The following PROSER1 variants were observed in gnomAD, a reference collection of about 807,000 sequenced individuals.
The protein encoded by PROSER1 is proline and serine-rich protein 1.
PROSER1 carries 36 observed loss-of-function variants against 71.8 expected under a neutral mutation model. That is an observed-to-expected ratio of 0.50 (90% CI 0.38 to 0.66). The LOEUF (loss-of-function observed/expected upper bound fraction) is 0.66. Ranked by LOEUF, PROSER1 falls within the 30% of genes least tolerant of loss-of-function variation. The probability of loss-of-function intolerance (pLI) is 0.00; values close to 1 mark genes in which losing one functional copy is unlikely to be tolerated. For missense variants in PROSER1, 1,107 were observed against 1,135.0 expected (o/e 0.98, Z 0.35); for synonymous variants, 490 against 452.4 (o/e 1.08, Z -1.06).
At position 39,012,130 on chromosome 13, in the gene PROSER1, G is replaced by A; in HGVS notation, c.2665C>T (p.Gln889Ter). 1 of 1,614,200 alleles carries A rather than the reference G, an allele frequency of 6.2e-7. No individual in the cohort carries two copies. The highest frequency in any genetic ancestry group is 8.5e-7 in the Non-Finnish European group (1 of 1,180,020). Residue 889 changes from glutamine to a stop codon, truncating the protein, a stop_gained, in exon 12 of 13, where the codon CAA becomes TAA. Transcript: ENST00000352251. LOFTEE classifies it high-confidence loss of function. ...FPQNPSQSSL[Q>*]ELQHNAAAQS... Reference sequence around the variant, plus strand: ...GCAGCCGCATTATGCTGTAATTCTTGCAAGGATGATTGTGAAGGATTCTGA... The same window carrying A: ...GCAGCCGCATTATGCTGTAATTCTTACAAGGATGATTGTGAAGGATTCTGA...
intron 1 of PROSER1, among the ~76,000 whole-genome samples, chr13:39,036,878 T>A (rs1304155248): frequency 6.6e-6 from 1 of 152,146 alleles, no homozygotes; most frequent in Non-Finnish European, 1.5e-5. Context: ...GATGAGGCAA[T>A]AAACTCAAAA....
At chr13:39,031,707 A>G (rs1870853484) in intron 2 of PROSER1, 76 bp from the exon 3 acceptor site, 5 of 1,331,676 alleles carry the variant, frequency 3.8e-6, no homozygotes, top group East Asian at 2.3e-5. Flanking sequence ...ACTTGAAATT[A>G]TAATTCGACA....
chr13:39,014,433 A>G lies in PROSER1; in HGVS notation c.819T>C (p.Ser273=). ...PASQLFSPHG[S]NPSTPAATPV... ...GAGTTGCAGCAGGTGTTGAAGGATT[A>G]GAACCATGAGGAGAAAAGAGTTGAC... The change falls in exon 11 of 13, where the codon TCT becomes TCC. Residue 273 remains serine, a synonymous_variant. Coordinates refer to ENST00000352251, the MANE Select transcript of PROSER1 (RefSeq NM_025138.5). 2.5e-6 allele frequency: 4 copies of G among 1,613,966 alleles called. No individual in the cohort carries two copies. The highest frequency in any genetic ancestry group is 1.3e-5 in the African/African-American group (1 of 75,034).
In PROSER1 at chr13:39,011,194, G is replaced by A; in HGVS notation, c.*171C>T. 3.0e-6 allele frequency: 2 copies of A among 661,352 alleles called. No homozygotes were observed. The highest frequency in any genetic ancestry group is 5.3e-6 in the Non-Finnish European group (2 of 376,362). The allele number at this position is 661,352 out of a possible 1,614,324, so 41.0% of individuals were successfully genotyped here. A position where few individuals can be genotyped will look rare whatever the true frequency, so the allele number is the denominator to read the frequency against. ...TGTCAGCATATTTACATAGGGGAGT[G>A]TTCACACTTTAAAATGCAACCACAA... On this transcript the variant is annotated 3_prime_UTR_variant, in exon 13 of 13. Transcript: ENST00000352251.
intron 11 of PROSER1, 69 bp from the exon 12 acceptor site, chr13:39,012,302 C>G: frequency 6.9e-7 from 1 of 1,459,748 alleles, no homozygotes; most frequent in East Asian, 2.3e-5. Context: ...CCATATTTGT[C>G]AAATACAATC....
intron 2 of PROSER1, 53 bp from the exon 3 acceptor site, chr13:39,031,684 A>G (rs747922303): frequency 8.7e-6 from 13 of 1,486,998 alleles, no homozygotes; most frequent in East Asian, 2.3e-5. Flanking sequence ...AAACATTTCT[A>G]TAAGATTTCA....
intron 9 of PROSER1, among the ~76,000 whole-genome samples, chr13:39,020,367 T>TACACAC (rs147228249): frequency 6.6e-6 from 1 of 150,554 alleles, no homozygotes; most frequent in East Asian, 1.9e-4. Context: ...TCTCTCTCTG[T>TACACAC]ACACACACAC....
intron 2 of PROSER1, among the ~76,000 whole-genome samples, chr13:39,032,695 A>G (rs1379438626): frequency 6.6e-6 from 1 of 152,120 alleles, no homozygotes; most frequent in Non-Finnish European, 1.5e-5. Flanking sequence ...AATGTTCTTA[A>G]TATCTAATAA....
intron 2 of PROSER1, 32 bp from the exon 3 acceptor site, chr13:39,031,663 A>G (rs1870850377): frequency 6.4e-7 from 1 of 1,572,404 alleles, no homozygotes; most frequent in African/African-American, 1.4e-5. Context: ...CTCTAATGAC[A>G]GCATGTTTGC....
rs2138116402 is a variant in PROSER1, at chr13:39,022,602, A to C, written c.644-190T>G. On this transcript the variant is annotated intron_variant, in intron 8 of 12. Coordinates refer to ENST00000352251, the MANE Select transcript of PROSER1 (RefSeq NM_025138.5). The stretch of plus-strand genomic sequence containing the variant: ...AGTGAAAACTGACACCAAATGAAAC[A>C]ACCAGAGATTCCTATTTCCCACTGC... 5.7e-6 allele frequency: 3 copies of C among 522,228 alleles called. No homozygotes were observed. In the East Asian group the frequency reaches 9.2e-5, roughly 16 times the overall value. 32.3% of individuals were successfully genotyped at this position (522,228 alleles called of 1,614,324 possible).
Position 39,017,511 on chromosome 13 carries a change from A to G in PROSER1, c.764T>C (p.Ile255Thr). The G allele has an allele frequency of 4.5e-6, 7 of 1,545,874 alleles. No individual in the cohort carries two copies. The highest frequency in any genetic ancestry group is 6.2e-6 in the Non-Finnish European group (7 of 1,126,432). ...AATTTGCTACTTACTTTGATTCTGT[A>G]TAGGTTTTGACGGATTCGAAAGGTC... ...NEDLSNPSKPIQNQTFSTPAS... is the reference protein window; with the variant it reads ...NEDLSNPSKPTQNQTFSTPAS... Residue 255 changes from isoleucine (I) to threonine (T), a missense_variant, in exon 10 of 13, where the codon ATA becomes ACA. By Grantham distance (89) the Ile-to-Thr change is moderately conservative (BLOSUM62 -1). Transcript: ENST00000352251.
intron 9 of PROSER1, among the ~76,000 whole-genome samples, chr13:39,019,023 T>C (rs1593531051): frequency 2.0e-5 from 3 of 152,162 alleles, no homozygotes; most frequent in Admixed American, 6.5e-5. Context: ...TCTATACATG[T>C]GTCCTTTCTG....
Position 39,014,524 on chromosome 13 carries a change from C to T in PROSER1, c.776-48G>A, listed in dbSNP as rs1291602979. 4 of 1,373,732 alleles carry T rather than the reference C, an allele frequency of 2.9e-6. No homozygotes were observed. The African/African-American group carries it at 4.4e-5, about 15-fold the overall frequency. 85.1% of individuals were successfully genotyped at this position (1,373,732 alleles called of 1,614,324 possible). ...GCAAGAATGTATCATCATGCTGAAA[C>T]GTCAAATTTTGAATTAAAAAGCATA... On this transcript the variant is annotated intron_variant, in intron 10 of 12. Transcript: ENST00000352251.
intron 8 of PROSER1, 195 bp from the exon 9 acceptor site, chr13:39,022,607 G>C (rs1870348072): frequency 1.9e-6 from 1 of 518,502 alleles, no homozygotes; most frequent in Non-Finnish European, 3.4e-6. Flanking sequence ...GAAACAACCA[G>C]AGATTCCTAT....
chr13:39,015,511 G>A lies in PROSER1; in HGVS notation c.776-1035C>T, dbSNP rs141528355. On this transcript the variant is annotated intron_variant, in intron 10 of 12. Transcript: ENST00000352251. ...TGGACTAACACATTTTACAATTTATGTATAATTAAGATTCTTTTGACATAA... is the reference window on the plus strand; with the variant it reads ...TGGACTAACACATTTTACAATTTATATATAATTAAGATTCTTTTGACATAA... 2.0e-3 allele frequency among the ~76,000 whole-genome samples: 304 copies of A among 152,268 alleles called. 3 individuals are homozygous for A. Among genetic ancestry groups the A allele is most frequent in the African/African-American group, 6.8e-3 (283 of 41,552 alleles).
rs537185401 is a variant in PROSER1 at position 39,012,096 on chromosome 13, G to A, written c.2699C>T (p.Ala900Val). ...ELQHNAAAQS[A>V]LLQQVHSASA... ...ATTGCTGCTTACCTGCTGTAACAAT[G>A]CTGACTGCGCAGCCGCATTATGCTG... The change falls in exon 12 of 13, where the codon GCA becomes GTA. Residue 900 changes from alanine to valine, a missense_variant. Coordinates refer to ENST00000352251, the MANE Select transcript of PROSER1 (RefSeq NM_025138.5). 2 of 1,613,598 alleles carry A rather than the reference G, an allele frequency of 1.2e-6. No homozygotes were observed. The highest frequency in any genetic ancestry group is 2.2e-5 in the East Asian group (1 of 44,886).
rs1195399274 is a variant in PROSER1 at position 39,010,747 on chromosome 13, A to C, written c.*618T>G. On this transcript the variant is annotated 3_prime_UTR_variant, in exon 13 of 13. Coordinates refer to ENST00000352251, the MANE Select transcript of PROSER1 (RefSeq NM_025138.5). ...TGGATATATACTTTCAGTTGAAAACACCTGAAAGTCATTCTATAGTCTACA... is the reference window on the plus strand; with the variant it reads ...TGGATATATACTTTCAGTTGAAAACCCCTGAAAGTCATTCTATAGTCTACA... The C allele has an allele frequency of 6.6e-6, 1 of 152,650 alleles. No homozygotes were observed. Among genetic ancestry groups the C allele is most frequent in the Non-Finnish European group, 1.5e-5 (1 of 68,052 alleles). The allele number at this position is 152,650 out of a possible 1,614,324, so 9.5% of individuals were successfully genotyped here.
chr13:39,029,269 A>AAT lies in PROSER1; in HGVS notation c.275+11_275+12insAT. 1 of 1,300,324 alleles carries AAT rather than the reference A, an allele frequency of 7.7e-7. No homozygotes were observed. The highest frequency in any genetic ancestry group is 1.6e-5 in the African/African-American group (1 of 63,916). 80.5% of individuals were successfully genotyped at this position (1,300,324 alleles called of 1,614,324 possible). On this transcript the variant is annotated intron_variant, in intron 4 of 12. Transcript: ENST00000352251. Reference sequence around the variant, plus strand: ...AAGTAAAAAAAAAAAAAAAAAAAAAAGAAATACTTACGAGGCTAACAGTTC... The same window carrying AAT: ...AAGTAAAAAAAAAAAAAAAAAAAAAAATGAAATACTTACGAGGCTAACAGTTC...
rs569038309 is a variant in PROSER1 at position 39,029,764 on chromosome 13, G to A, written c.181-389C>T. Among the ~76,000 whole-genome samples the A allele has an allele frequency of 2.0e-5, 3 of 152,244 alleles. No individual in the cohort carries two copies. The South Asian group carries it at 6.2e-4, about 32-fold the overall frequency. ...AAAACATTACTATACTCCTCAGTTAGAGGGCTAAGTATGCCACAGATCAGT... is the reference window on the plus strand; with the variant it reads ...AAAACATTACTATACTCCTCAGTTAAAGGGCTAAGTATGCCACAGATCAGT... On this transcript the variant is annotated intron_variant, in intron 3 of 12. Coordinates refer to ENST00000352251, the MANE Select transcript of PROSER1 (RefSeq NM_025138.5).
Sources: allele counts gnomAD v4.1 joint callset (sites outside exome capture counted in the v4.1 genomes callset), GRCh38; gene constraint gnomAD v4.1.1; transcripts MANE v1.5; gene names NCBI Gene and HGNC (gene_info 2026-07-23, HGNC 2026-07-21).